METTL15: variants seen among roughly 807,000 people sequenced by gnomAD.
METTL15 encodes methyltransferase 15, mitochondrial 12S rRNA N4-cytidine, also known as 12S rRNA N(4)-cytidine methyltransferase METTL15.
A neutral mutation model predicts 38.3 loss-of-function variants in METTL15; 34 were observed. The observed-to-expected ratio is 0.89, with a 90% confidence interval of 0.68 to 1.18. The LOEUF (loss-of-function observed/expected upper bound fraction) is 1.18, where lower values mean the gene tolerates loss of function less well. Among genes scored for constraint, METTL15 ranks in the 50% most tolerant of loss-of-function variants. The pLI is 0.00. For synonymous variants in METTL15, 162 were observed against 170.9 expected, an observed-to-expected ratio of 0.95 and a Z score of 0.41; for missense variants, 438 against 498.4, an observed-to-expected ratio of 0.88 and a Z score of 1.15.
At chr11:28,115,665 CTATT>C (rs769749836) in intron 3 of METTL15, among the ~76,000 whole-genome samples, 108 of 152,176 alleles carry the variant, frequency 7.1e-4, no homozygotes, top group African/African-American at 2.3e-3. Flanking sequence ...AATATATTTA[CTATT>C]TATTAAGTGG....
chr11:28,464,416 C>T (rs1210006048), intron 6 of METTL15, among the ~76,000 whole-genome samples: 1 of 152,106 alleles, frequency 6.6e-6, no homozygotes, highest in Non-Finnish European at 1.5e-5. Flanking sequence ...AAAGCAGTCA[C>T]AGAGAGTATG....
chr11:28,155,727 A>G (rs899199711), intron 3 of METTL15, among the ~76,000 whole-genome samples: 6 of 152,192 alleles, frequency 3.9e-5, no homozygotes, highest in African/African-American at 1.4e-4. Context: ...GTGTGCCTCA[A>G]TTTCTTTGAG....
At chr11:28,286,537 G>A (rs533638620) in intron 4 of METTL15, among the ~76,000 whole-genome samples, 7 of 152,028 alleles carry the variant, frequency 4.6e-5, no homozygotes, top group Non-Finnish European at 1.0e-4. Context: ...CTGCTCTGGG[G>A]AATAGGTTTT....
At chr11:28,483,613 G>A (rs988280717) in intron 6 of METTL15, among the ~76,000 whole-genome samples, 6 of 152,166 alleles carry the variant, frequency 3.9e-5, no homozygotes, top group East Asian at 3.8e-4. Context: ...GGGCCATATA[G>A]CCTGTGTCTC....
intron 6 of METTL15, among the ~76,000 whole-genome samples, chr11:28,442,936 A>T (rs1851047339): frequency 6.6e-6 from 1 of 152,238 alleles, no homozygotes; most frequent in South Asian, 2.1e-4. Flanking sequence ...GAAATATGAA[A>T]AATGAATTTA....
intron 5 of METTL15, among the ~76,000 whole-genome samples, chr11:28,379,816 G>C (rs185689114): frequency 6.6e-6 from 1 of 152,152 alleles, no homozygotes; most frequent in Non-Finnish European, 1.5e-5. Context: ...ATTGTTGAAC[G>C]TTCTGCTATT....
chr11:28,123,531 G>A (rs1219232686), intron 3 of METTL15, among the ~76,000 whole-genome samples: 1 of 151,562 alleles, frequency 6.6e-6, no homozygotes, highest in African/African-American at 2.4e-5. Flanking sequence ...TTCCTTTGTG[G>A]TCAGTTGCTA....
rs947481857 is a variant in METTL15, at chr11:28,416,133, G to A, written c.*359-8166G>A. On this transcript the variant is annotated intron_variant and NMD_transcript_variant, in intron 5 of 7. Coordinates refer to the METTL15 transcript ENST00000532947. ...TCTCACCCAAGCGTAGTACCTTGGG[G>A]AAAGCATAGCCTCAGCTCCCAACCC... Among the ~76,000 whole-genome samples, 3 of 152,238 alleles carry A rather than the reference G, an allele frequency of 2.0e-5. No individual in the cohort carries two copies. The East Asian group carries it at 5.8e-4, about 29-fold the overall frequency.
At chr11:28,200,489 T>A (rs1305132214) in intron 3 of METTL15, among the ~76,000 whole-genome samples, 1 of 152,156 alleles carries the variant, frequency 6.6e-6, no homozygotes, top group Non-Finnish European at 1.5e-5. Context: ...TCTTCATTCC[T>A]GATGCCCATT....
chr11:28,184,225 AT>A (rs1473186448), intron 3 of METTL15, among the ~76,000 whole-genome samples: 1 of 151,336 alleles, frequency 6.6e-6, no homozygotes, highest in Non-Finnish European at 1.5e-5. Flanking sequence ...GGATTCGTTG[AT>A]TTTTTTGAAG....
In METTL15 at chr11:28,292,323, C is replaced by G. The variant is rs111430754; in HGVS notation, c.599+1926C>G. Among the ~76,000 whole-genome samples the G allele has an allele frequency of 6.6e-4, 99 of 150,622 alleles. 1 individual carries two copies. Among genetic ancestry groups the G allele is most frequent in the African/African-American group, 2.3e-3 (95 of 41,036 alleles). On this transcript the variant is annotated intron_variant, in intron 5 of 6. Coordinates refer to ENST00000407364, the MANE Select transcript of METTL15 (RefSeq NM_001113528.2). ...AACATGTGGTGTTTGGTTTTTTGTCCTTGCTATAGTTTGCTGAGAATGATG... is the reference window on the plus strand; with the variant it reads ...AACATGTGGTGTTTGGTTTTTTGTCGTTGCTATAGTTTGCTGAGAATGATG...
chr11:28,313,176 A>G (rs1409597571), intron 6 of METTL15, among the ~76,000 whole-genome samples: 3 of 152,154 alleles, frequency 2.0e-5, no homozygotes, highest in Non-Finnish European at 4.4e-5. Flanking sequence ...TCTCTAAAAT[A>G]GGATAATGGT....
chr11:28,308,009 C>G (rs1177506293), intron 6 of METTL15, among the ~76,000 whole-genome samples: 2 of 151,922 alleles, frequency 1.3e-5, no homozygotes, highest in Non-Finnish European at 2.9e-5. Flanking sequence ...CTACATTTGT[C>G]TAACTGTATT....
At chr11:28,297,548 A>G (rs1016032803) in intron 6 of METTL15, among the ~76,000 whole-genome samples, 1 of 152,098 alleles carries the variant, frequency 6.6e-6, no homozygotes, top group African/African-American at 2.4e-5. Flanking sequence ...CTATTTCGCT[A>G]TTCACCACCA....
intron 5 of METTL15, among the ~76,000 whole-genome samples, chr11:28,368,128 C>CA (rs796151908): frequency 0.14 from 4,640 of 32,160 alleles, 155 homozygotes; most frequent in Non-Finnish European, 0.2. Flanking sequence ...TTCTGCATAG[C>CA]AAAAAAAAAA....
At chr11:28,169,081 G>C (rs1369499909) in intron 3 of METTL15, among the ~76,000 whole-genome samples, 1 of 152,158 alleles carries the variant, frequency 6.6e-6, no homozygotes, top group Non-Finnish European at 1.5e-5. Context: ...GTGGAGGTTA[G>C]ACCAAAATGG....
chr11:28,508,466 A>C (rs1410238041), intron 6 of METTL15, among the ~76,000 whole-genome samples: 1 of 152,198 alleles, frequency 6.6e-6, no homozygotes, highest in Non-Finnish European at 1.5e-5. Flanking sequence ...TTCTGTTCTT[A>C]TCCAACTACC....
intron 5 of METTL15, among the ~76,000 whole-genome samples, chr11:28,373,763 T>A (rs960120443): frequency 6.6e-6 from 1 of 152,116 alleles, no homozygotes; most frequent in Non-Finnish European, 1.5e-5. Context: ...TGAATGGTAA[T>A]GCCTAGGTTT....
chr11:28,141,129 G>C (rs10835275), intron 3 of METTL15, among the ~76,000 whole-genome samples: 70,517 of 152,004 alleles, frequency 0.46, 17,889 homozygotes, highest in Admixed American at 0.56. Context: ...GCCTCTCTAA[G>C]AGTTTGGAGG....
Sources: gnomAD v4.1 joint callset for allele counts (sites outside exome capture counted in the v4.1 genomes callset) on GRCh38, gnomAD v4.1.1 for gene constraint, MANE v1.5 for transcripts, NCBI Gene and HGNC (gene_info 2026-07-23, HGNC 2026-07-21) for gene names.